The following CNTN5 variants were observed in gnomAD, a reference collection of about 807,000 sequenced individuals.
The protein encoded by CNTN5 is contactin-5.
Under a neutral mutation model 129.1 loss-of-function variants are expected in CNTN5, and 77 were observed. That is an observed-to-expected ratio of 0.60 (90% CI 0.50 to 0.72). CNTN5 has a LOEUF of 0.72. Among genes scored for constraint, CNTN5 ranks in the 30% least tolerant of loss-of-function variants. The pLI is 0.00. For synonymous variants in CNTN5, 509 were observed against 465.6 expected, an observed-to-expected ratio of 1.09 and a Z score of -1.20; for missense variants, 1,478 against 1,328.8, an observed-to-expected ratio of 1.11 and a Z score of -1.75.
intron 20 of CNTN5, among the ~76,000 whole-genome samples, chr11:100,301,299 C>T (rs946451339): frequency 6.6e-6 from 1 of 151,534 alleles, no homozygotes; most frequent in African/African-American, 2.4e-5. Flanking sequence ...AGAAATTCAG[C>T]TTTGTAATTT....
At chr11:99,700,896 A>G (rs1301637897) in intron 3 of CNTN5, among the ~76,000 whole-genome samples, 1 of 151,272 alleles carries the variant, frequency 6.6e-6, no homozygotes. Context: ...CTCCCCCAAA[A>G]TGAGTATCAA....
At chr11:100,276,516 T>A (rs1323224679) in intron 18 of CNTN5, among the ~76,000 whole-genome samples, 1 of 101,958 alleles carries the variant, frequency 9.8e-6, no homozygotes, top group Non-Finnish European at 1.8e-5. Flanking sequence ...GGTGACAGAG[T>A]GAGACTCTCT....
intron 9 of CNTN5, among the ~76,000 whole-genome samples, chr11:100,052,351 T>A (rs981656533): frequency 3.3e-5 from 5 of 151,870 alleles, no homozygotes; most frequent in Middle Eastern, 3.4e-3. Flanking sequence ...CTGGACAGTA[T>A]AGTCAGGCAT....
intron 6 of CNTN5, among the ~76,000 whole-genome samples, chr11:99,876,208 C>T (rs1204081490): frequency 6.6e-6 from 1 of 152,120 alleles, no homozygotes; most frequent in Non-Finnish European, 1.5e-5. Flanking sequence ...CCTCACATTT[C>T]CTTATGGATG....
chr11:99,062,239 C>A (rs1864914518), intron 1 of CNTN5, among the ~76,000 whole-genome samples: 1 of 152,122 alleles, frequency 6.6e-6, no homozygotes, highest in Non-Finnish European at 1.5e-5. Context: ...AGACAACAAG[C>A]AATGTTGGAG....
chr11:100,028,923 A>G (rs1941564465), intron 9 of CNTN5, among the ~76,000 whole-genome samples: 1 of 152,168 alleles, frequency 6.6e-6, no homozygotes, highest in Non-Finnish European at 1.5e-5. Context: ...CTAGGGTGAC[A>G]TTTTACTCTG....
chr11:100,040,840 G>T (rs1023366950), intron 9 of CNTN5, among the ~76,000 whole-genome samples: 2 of 148,476 alleles, frequency 1.3e-5, no homozygotes, highest in Admixed American at 6.8e-5. Flanking sequence ...GCAGTTTTAG[G>T]GTGGGAGTGA....
intron 9 of CNTN5, among the ~76,000 whole-genome samples, chr11:100,020,857 T>A (rs1357278169): frequency 6.6e-6 from 1 of 152,026 alleles, no homozygotes; most frequent in Non-Finnish European, 1.5e-5. Flanking sequence ...GCAATAAATA[T>A]AACCATGGAG....
intron 16 of CNTN5, among the ~76,000 whole-genome samples, chr11:100,251,362 A>G (rs1020082310): frequency 1.3e-5 from 2 of 152,162 alleles, no homozygotes; most frequent in African/African-American, 2.4e-5. Flanking sequence ...CATATACTGT[A>G]CAGTGATCAG....
chr11:100,208,887 C>T (rs1370609022), intron 15 of CNTN5, among the ~76,000 whole-genome samples: 8 of 152,238 alleles, frequency 5.3e-5, no homozygotes, highest in South Asian at 2.1e-4. Context: ...CTACTGTCAG[C>T]GATCAGGTCA....
chr11:99,782,872 AC>A (rs1945364314), intron 3 of CNTN5, among the ~76,000 whole-genome samples: 1 of 151,652 alleles, frequency 6.6e-6, no homozygotes, highest in African/African-American at 2.4e-5. Flanking sequence ...AACCACAAAA[AC>A]CCTAGAAGAA....
In CNTN5 at chr11:100,063,108, C is replaced by A. The variant is rs188987449; in HGVS notation, c.1162+1715C>A. Among the ~76,000 whole-genome samples, 79 of 152,130 alleles carry A rather than the reference C, an allele frequency of 5.2e-4. 1 individual carries two copies. The highest frequency in any genetic ancestry group is 1.9e-3 in the African/African-American group (78 of 41,482). On this transcript the variant is annotated intron_variant, in intron 10 of 24. Coordinates refer to ENST00000524871, the MANE Select transcript of CNTN5 (RefSeq NM_014361.4). ...GAATTCTCTGTGTTCGAAGAATGGC[C>A]CACACCTAAATAGAATTAGATTGTA...
chr11:99,612,825 C>A (rs2135735426), intron 3 of CNTN5, among the ~76,000 whole-genome samples: 1 of 152,276 alleles, frequency 6.6e-6, no homozygotes, highest in Admixed American at 6.5e-5. Context: ...TGCACTAAGA[C>A]AAAATTCTGG....
In CNTN5 at chr11:99,706,840, C is replaced by CTTT. The variant is rs11451959; in HGVS notation, c.56-112692_56-112690dup. 2.2e-4 allele frequency among the ~76,000 whole-genome samples: 31 copies of CTTT among 139,640 alleles called. 1 individual carries two copies. The highest frequency in any genetic ancestry group is 3.3e-4 in the Non-Finnish European group (21 of 63,994). The allele number at this position is 139,640 out of a possible 152,430, so 91.6% of individuals were successfully genotyped here. ...AAATGTTGATTTATTTGTGTCTGGT[C>CTTT]TTTTTTTTTTTTTTAAGCTATAAGG... On this transcript the variant is annotated intron_variant, in intron 3 of 24. Coordinates refer to ENST00000524871, the MANE Select transcript of CNTN5 (RefSeq NM_014361.4).
intron 8 of CNTN5, among the ~76,000 whole-genome samples, chr11:99,990,937 A>C (rs924246722): frequency 6.6e-5 from 10 of 152,202 alleles, no homozygotes; most frequent in Admixed American, 6.5e-4. Context: ...TGATTGCTTC[A>C]GTGTTGCAAC....
At chr11:99,202,881 T>C (rs1209951817) in intron 1 of CNTN5, among the ~76,000 whole-genome samples, 1 of 151,840 alleles carries the variant, frequency 6.6e-6, no homozygotes. Flanking sequence ...TTTGAAAATA[T>C]TTTCAATGGT....
intron 1 of CNTN5, among the ~76,000 whole-genome samples, chr11:99,291,289 TCTTA>T (rs1226367865): frequency 4.6e-5 from 7 of 151,894 alleles, no homozygotes; most frequent in Admixed American, 2.6e-4. Flanking sequence ...AAAGGCAACT[TCTTA>T]CTTAATATTT....
chr11:99,348,099 A>T (rs1262685442), intron 2 of CNTN5, among the ~76,000 whole-genome samples: 1 of 152,182 alleles, frequency 6.6e-6, no homozygotes, highest in Admixed American at 6.5e-5. Flanking sequence ...CACTGCTACT[A>T]GCCTATCTTC....
chr11:99,105,051 G>A (rs1310780109), intron 1 of CNTN5, among the ~76,000 whole-genome samples: 11 of 152,046 alleles, frequency 7.2e-5, no homozygotes, highest in Admixed American at 7.2e-4. Flanking sequence ...ATTCTCATTA[G>A]TCTCCTCATC....
Sources: allele counts gnomAD v4.1 joint callset (sites outside exome capture counted in the v4.1 genomes callset), GRCh38; gene constraint gnomAD v4.1.1; transcripts MANE v1.5; gene names NCBI Gene and HGNC (gene_info 2026-07-23, HGNC 2026-07-21).